COBL: variants seen among roughly 807,000 people sequenced by gnomAD.
COBL encodes the protein cordon-bleu WH2 repeat protein, also known as protein cordon-bleu.
In COBL, 51 loss-of-function variants were observed where a neutral mutation model predicts 98.8. The ratio of observed to expected loss-of-function variants is 0.52; its 90% CI spans 0.41 to 0.65. The LOEUF is 0.65. COBL is among the 30% of genes least tolerant of loss of function. The pLI is 0.00. For missense variants in COBL, 1,617 were observed against 1,617.5 expected, an observed-to-expected ratio of 1.00 and a Z score of 0.01; for synonymous variants, 634 against 651.7, an observed-to-expected ratio of 0.97 and a Z score of 0.41.
intron 6 of COBL, among the ~76,000 whole-genome samples, chr7:51,106,065 G>T (rs898210350): frequency 6.6e-6 from 1 of 151,328 alleles, no homozygotes; most frequent in African/African-American, 2.4e-5. Flanking sequence ...ATTGTCGGGG[G>T]TGGTGGCACG....
chr7:51,177,815 T>TAAATAAATAAAA (rs983993041), intron 5 of COBL, among the ~76,000 whole-genome samples: 40 of 147,618 alleles, frequency 2.7e-4, no homozygotes, highest in African/African-American at 1.0e-3. Flanking sequence ...AATAAATAAA[T>TAAATAAATAAAA]AAAAATTTAA....
At chr7:51,033,806 C>T (rs1296399127) in intron 8 of COBL, 2 of 152,228 alleles carry the variant, frequency 1.3e-5, no homozygotes, top group South Asian at 2.1e-4. Context: ...ACAGTAAGCA[C>T]TTTATTTTGT....
chr7:51,078,405 GAGA>G (rs1285623697), intron 7 of COBL, among the ~76,000 whole-genome samples: 2 of 152,182 alleles, frequency 1.3e-5, no homozygotes, highest in Non-Finnish European at 2.9e-5. Flanking sequence ...AGATGATACA[GAGA>G]AGAATTAGGA....
rs376672638 is a variant in COBL at position 51,025,397 on chromosome 7, T to G, written c.3505-25A>C. 8 of 1,610,954 alleles carry G rather than the reference T, an allele frequency of 5.0e-6. No homozygotes were observed. The African/African-American group carries it at 1.1e-4, about 22-fold the overall frequency. ...CCTGGCAATGAGATGATTAAATGACTGCTATAGAGTGAATGTCTCCCAAAA... is the reference window on the plus strand; with the variant it reads ...CCTGGCAATGAGATGATTAAATGACGGCTATAGAGTGAATGTCTCCCAAAA... On this transcript the variant is annotated intron_variant, in intron 11 of 12. Coordinates refer to ENST00000265136, the MANE Select transcript of COBL (RefSeq NM_015198.5).
intron 1 of COBL, among the ~76,000 whole-genome samples, chr7:51,307,195 A>T (rs1385324850): frequency 6.6e-6 from 1 of 152,034 alleles, no homozygotes; most frequent in East Asian, 1.9e-4. Flanking sequence ...AAATACAAAA[A>T]AAAATTAGCC....
chr7:51,041,476 T>C (rs535827038), intron 8 of COBL, among the ~76,000 whole-genome samples: 63 of 128,804 alleles, frequency 4.9e-4, no homozygotes, highest in Non-Finnish European at 8.5e-4. Flanking sequence ...CTTATTTCTT[T>C]CCTTTTTTTT....
At chr7:51,137,308 C>A (rs1253530283) in intron 5 of COBL, among the ~76,000 whole-genome samples, 1 of 152,174 alleles carries the variant, frequency 6.6e-6, no homozygotes, top group African/African-American at 2.4e-5. Context: ...AAGATACAAA[C>A]CTTGGGCAAA....
intron 7 of COBL, among the ~76,000 whole-genome samples, chr7:51,074,404 C>T (rs1417439043): frequency 6.6e-6 from 1 of 152,032 alleles, no homozygotes; most frequent in African/African-American, 2.4e-5. Flanking sequence ...CTATATTGGC[C>T]AGGATGGTCT....
chr7:51,195,370 C>T (rs1232077519), intron 2 of COBL, among the ~76,000 whole-genome samples: 2 of 152,030 alleles, frequency 1.3e-5, no homozygotes, highest in African/African-American at 4.8e-5. Flanking sequence ...GTTCCATTGC[C>T]CTATGTGTCT....
At chr7:51,288,425 A>AC (rs1232779715) in intron 1 of COBL, among the ~76,000 whole-genome samples, 4 of 148,078 alleles carry the variant, frequency 2.7e-5, no homozygotes, top group Non-Finnish European at 6.0e-5. Flanking sequence ...CAGTCTCCAA[A>AC]AAAAAAAAAA....
intron 8 of COBL, among the ~76,000 whole-genome samples, chr7:51,036,643 A>T (rs1788672499): frequency 6.6e-6 from 1 of 152,108 alleles, no homozygotes; most frequent in Non-Finnish European, 1.5e-5. Flanking sequence ...TTCTGCAGCC[A>T]TCATCCCCAG....
chr7:51,268,590 A>G (rs1242198846), intron 1 of COBL, among the ~76,000 whole-genome samples: 1 of 152,178 alleles, frequency 6.6e-6, no homozygotes, highest in Non-Finnish European at 1.5e-5. Context: ...GGTGGATCAC[A>G]GAGTAATTCC....
intron 6 of COBL, among the ~76,000 whole-genome samples, chr7:51,119,805 C>G (rs1175760141): frequency 1.3e-5 from 2 of 152,090 alleles, no homozygotes; most frequent in African/African-American, 4.8e-5. Context: ...ATTACAAATT[C>G]TATTAATACA....
rs1436903184 is a variant in COBL at position 51,040,836 on chromosome 7, TC to T, written c.1406+2546del. Among the ~76,000 whole-genome samples the T allele has an allele frequency of 7.2e-5, 11 of 152,316 alleles. No individual in the cohort carries two copies. The South Asian group carries it at 1.9e-3, about 26-fold the overall frequency. ...ATGATTATTCTGGCTGTGGCCATAG[TC>T]AATATTAACCCTCATTATTTGGATA... On this transcript the variant is annotated intron_variant, in intron 8 of 12. Coordinates refer to ENST00000265136, the MANE Select transcript of COBL (RefSeq NM_015198.5).
In COBL at chr7:51,171,419, T is replaced by G. The variant is rs184864880; in HGVS notation, c.783+12683A>C. 2.6e-5 allele frequency among the ~76,000 whole-genome samples: 4 copies of G among 152,302 alleles called. No individual in the cohort carries two copies. In the East Asian group the frequency reaches 7.7e-4, roughly 29 times the overall value. ...AAAAAGCACTGCTATAAGAGAACTT[T>G]TATCCTTATATACTATCTATGTAAA... On this transcript the variant is annotated intron_variant, in intron 5 of 12. Coordinates refer to ENST00000265136, the MANE Select transcript of COBL (RefSeq NM_015198.5).
chr7:51,194,610 C>A (rs1790423059), intron 2 of COBL, among the ~76,000 whole-genome samples: 1 of 152,160 alleles, frequency 6.6e-6, no homozygotes, highest in Non-Finnish European at 1.5e-5. Context: ...TTCTCTGCAA[C>A]CTTACCAGCA....
chr7:51,178,056 G>T (rs909739550), intron 5 of COBL, among the ~76,000 whole-genome samples: 1 of 152,048 alleles, frequency 6.6e-6, no homozygotes, highest in African/African-American at 2.4e-5. Context: ...TGGAGCAGGA[G>T]AATCACTTGA....
intron 1 of COBL, among the ~76,000 whole-genome samples, chr7:51,232,647 TA>T (rs957640941): frequency 6.6e-6 from 1 of 152,010 alleles, no homozygotes; most frequent in East Asian, 1.9e-4. Flanking sequence ...CTGCCTCTAC[TA>T]AAAATACAAA....
chr7:51,213,009 G>A (rs1328292474), intron 2 of COBL, among the ~76,000 whole-genome samples: 1 of 152,358 alleles, frequency 6.6e-6, no homozygotes, highest in Non-Finnish European at 1.5e-5. Context: ...TAAAGTAGCT[G>A]TAGCTACTTC....
Sources: allele counts gnomAD v4.1 joint callset (sites outside exome capture counted in the v4.1 genomes callset), GRCh38; gene constraint gnomAD v4.1.1; transcripts MANE v1.5; gene names NCBI Gene and HGNC (gene_info 2026-07-23, HGNC 2026-07-21).